AK9: variants seen among roughly 807,000 people sequenced by gnomAD.
AK9 encodes adenylate kinase 9, also known as adenylate kinase domain containing 1.
A neutral mutation model predicts 239.6 loss-of-function variants in AK9; 191 were observed. The ratio of observed to expected loss-of-function variants is 0.80; its 90% CI spans 0.71 to 0.90. The LOEUF is 0.90. Among genes scored for constraint, AK9 ranks in the 40% least tolerant of loss-of-function variants. The probability of loss-of-function intolerance (pLI) is 0.00; values close to 1 mark genes in which losing one functional copy is unlikely to be tolerated. For synonymous variants in AK9, 689 were observed against 721.0 expected, an observed-to-expected ratio of 0.96 and a Z score of 0.71; for missense variants, 1,995 against 2,214.7, an observed-to-expected ratio of 0.90 and a Z score of 1.99.
chr6:109,685,041 A>G (rs2128361773), intron 1 of AK9, among the ~76,000 whole-genome samples: 1 of 151,220 alleles, frequency 6.6e-6, no homozygotes, highest in African/African-American at 2.4e-5. Context: ...ACCATCTCAC[A>G]CCAGTTAGAA....
chr6:109,584,589 T>C (rs1206503944), intron 19 of AK9, among the ~76,000 whole-genome samples: 1 of 152,180 alleles, frequency 6.6e-6, no homozygotes, highest in African/African-American at 2.4e-5. Flanking sequence ...ACCCCTGCCA[T>C]GAACAGATAA....
At chr6:109,576,876 G>A (rs1344452345) in intron 20 of AK9, among the ~76,000 whole-genome samples, 4 of 151,020 alleles carry the variant, frequency 2.6e-5, no homozygotes, top group Non-Finnish European at 4.4e-5. Context: ...TGTCACCTAG[G>A]CTGGAGTGCA....
At chr6:109,687,837 C>T (rs1461039965) in intron 1 of AK9, among the ~76,000 whole-genome samples, 1 of 152,136 alleles carries the variant, frequency 6.6e-6, no homozygotes, top group East Asian at 1.9e-4. Context: ...ATTTGCTATG[C>T]AGCATAGAAA....
intron 29 of AK9, chr6:109,527,735 G>A (rs1269396378): frequency 6.6e-6 from 1 of 152,130 alleles, no homozygotes; most frequent in Non-Finnish European, 1.5e-5. Flanking sequence ...GAAGTCTCAG[G>A]AGAGCTGACT....
chr6:109,589,156 AT>A (rs1789896031), intron 17 of AK9, among the ~76,000 whole-genome samples: 1 of 152,100 alleles, frequency 6.6e-6, no homozygotes, highest in Non-Finnish European at 1.5e-5. Context: ...AAATCTGTAG[AT>A]TGCTTTCAGT....
At chr6:109,528,891 G>A in intron 29 of AK9, 120 bp downstream of exon 29, 1 of 1,495,202 alleles carries the variant, frequency 6.7e-7, no homozygotes, top group Non-Finnish European at 9.0e-7. Context: ...AGAGGCTGAG[G>A]TGGGAGGATC....
chr6:109,628,913 TA>T (rs35843846), intron 12 of AK9, among the ~76,000 whole-genome samples: 89,737 of 151,826 alleles, frequency 0.59, 27,982 homozygotes, highest in South Asian at 0.84. Context: ...GCGTTTCATT[TA>T]AAAAAAACAA....
At chr6:109,637,749 T>C (rs1409435166) in intron 10 of AK9, among the ~76,000 whole-genome samples, 9 of 152,216 alleles carry the variant, frequency 5.9e-5, no homozygotes, top group Non-Finnish European at 1.3e-4. Flanking sequence ...ATCACCTGCC[T>C]TTAGCTGAAG....
In AK9 at chr6:109,690,723, C is replaced by T. The variant is rs530487368; in HGVS notation, c.-12+424G>A. The T allele has an allele frequency of 2.0e-5, 3 of 152,414 alleles. No homozygotes were observed. In the East Asian group the frequency reaches 5.8e-4, roughly 29 times the overall value. 9.4% of individuals were successfully genotyped at this position (152,414 alleles called of 1,614,324 possible). On this transcript the variant is annotated intron_variant, in intron 1 of 40. Coordinates refer to ENST00000424296, the MANE Select transcript of AK9 (RefSeq NM_001145128.3). ...ATGGAAGAGAGGGTACGCGCATGCCCATTTATGTCGCACACATGAAATGAA... is the reference window on the plus strand; with the variant it reads ...ATGGAAGAGAGGGTACGCGCATGCCTATTTATGTCGCACACATGAAATGAA...
intron 21 of AK9, among the ~76,000 whole-genome samples, chr6:109,565,975 T>A (rs1786441795): frequency 6.6e-6 from 1 of 151,998 alleles, no homozygotes; most frequent in Non-Finnish European, 1.5e-5. Context: ...GGTTGCTCAA[T>A]TAAGAAAATC....
At chr6:109,572,643 G>A (rs868165325) in intron 21 of AK9, among the ~76,000 whole-genome samples, 3 of 152,302 alleles carry the variant, frequency 2.0e-5, no homozygotes, top group African/African-American at 7.2e-5. Context: ...TATGAATTGT[G>A]TAATTTTCAT....
intron 25 of AK9, among the ~76,000 whole-genome samples, chr6:109,546,457 TAATAA>T (rs1174903265): frequency 6.6e-6 from 1 of 152,188 alleles, no homozygotes; most frequent in Non-Finnish European, 1.5e-5. Context: ...TTTCTTAACA[TAATAA>T]AATAAATCTA....
At chr6:109,620,325 G>A (rs954000519) in intron 12 of AK9, among the ~76,000 whole-genome samples, 1 of 152,098 alleles carries the variant, frequency 6.6e-6, no homozygotes, top group Non-Finnish European at 1.5e-5. Flanking sequence ...TTGGTTTTGT[G>A]AAGTTTTTAA....
Position 109,659,275 on chromosome 6 carries a change from C to A in AK9, c.583G>T (p.Gly195Ter), listed in dbSNP as rs369829767. The change falls in exon 7 of 41, where the codon GGA becomes TGA. Residue 195 changes from glycine to a stop codon, truncating the protein, a stop_gained. Coordinates refer to ENST00000424296, the MANE Select transcript of AK9 (RefSeq NM_001145128.3). LOFTEE classifies it high-confidence loss of function. ...RKKKKEAQKD[G>*]KGEEEEEEEE... is the part of the protein sequence containing the mutation. ...TCCTCTTCTTCCTCTTCTCCTTTTC[C>A]GTCCTTTTGGGCTTCTTTCTTCTTT... 1 of 1,601,632 alleles carries A rather than the reference C, an allele frequency of 6.2e-7. No individual in the cohort carries two copies. Among genetic ancestry groups the A allele is most frequent in the Admixed American group, 1.7e-5 (1 of 57,182 alleles).
rs151265370 is a variant in AK9 at position 109,644,688 on chromosome 6, C to T, written c.760G>A (p.Glu254Lys). 6.1e-5 allele frequency: 98 copies of T among 1,607,552 alleles called. 1 individual carries two copies. The African/African-American group carries it at 1.1e-3, about 18-fold the overall frequency. The change falls in exon 9 of 41, where the codon GAA (glutamate) becomes AAA (lysine). Residue 254 changes from glutamate (E) to lysine (K), a missense_variant and splice_region_variant. Glu to Lys is a moderately conservative substitution (Grantham distance 56). Coordinates refer to ENST00000424296, the MANE Select transcript of AK9 (RefSeq NM_001145128.3). ...TGGGGATTGTGTTCAGCCATTACTT[C>T]CTGCAGATAATAGAAAAGAAACTTT... ...YKETILQTLE[E>K]VMAEHNPQYL... is the part of the protein sequence containing the mutation.
intron 26 of AK9, 89 bp downstream of exon 26, chr6:109,545,778 G>C (rs2128155595): frequency 2.1e-6 from 3 of 1,456,312 alleles, no homozygotes; most frequent in Non-Finnish European, 2.8e-6. Flanking sequence ...CTTCCTGTCT[G>C]GGTGACAGAT....
Position 109,564,207 on chromosome 6 carries a change from A to C in AK9, c.2508T>G (p.Gly836=). Residue 836 remains glycine, a synonymous_variant, in exon 23 of 41, where the codon GGT becomes GGG. Transcript: ENST00000424296. ...PEMEPFKEKI[G]SFIILWKQLE... ...GCTGTTTCCAGAGGATGATGAAAGA[A>C]CCAATCTTCTCTTTAAATGGCTCCA... The C allele has an allele frequency of 6.4e-7, 1 of 1,551,454 alleles. No individual in the cohort carries two copies. The highest frequency in any genetic ancestry group is 8.7e-7 in the Non-Finnish European group (1 of 1,146,860).
At chr6:109,633,639 C>A (rs566330997) in intron 10 of AK9, among the ~76,000 whole-genome samples, 1 of 152,066 alleles carries the variant, frequency 6.6e-6, no homozygotes, top group African/African-American at 2.4e-5. Flanking sequence ...AGGTAGATAG[C>A]GCATTTTCTA....
chr6:109,587,143 T>C, intron 17 of AK9, among the ~76,000 whole-genome samples: 1 of 152,102 alleles, frequency 6.6e-6, no homozygotes, highest in East Asian at 1.9e-4. Flanking sequence ...AGCAGTCTTT[T>C]AAAAAATAAT....
Sources: gnomAD v4.1 joint callset for allele counts (sites outside exome capture counted in the v4.1 genomes callset) on GRCh38, gnomAD v4.1.1 for gene constraint, MANE v1.5 for transcripts, NCBI Gene and HGNC (gene_info 2026-07-23, HGNC 2026-07-21) for gene names.